The following KCNQ2 variants were observed in gnomAD, a reference collection of about 807,000 sequenced individuals.
The protein encoded by KCNQ2 is potassium voltage-gated channel subfamily KQT member 2.
A neutral mutation model predicts 84.8 loss-of-function variants in KCNQ2; 14 were observed. The ratio of observed to expected loss-of-function variants is 0.17; its 90% CI spans 0.11 to 0.26. The LOEUF (loss-of-function observed/expected upper bound fraction) is 0.26, where lower values mean the gene tolerates loss of function less well. Among genes scored for constraint, KCNQ2 ranks in the 10% least tolerant of loss-of-function variants. The pLI, the probability that KCNQ2 is intolerant of heterozygous loss-of-function variation, is 1.00. For missense variants in KCNQ2, 788 were observed against 1,254.0 expected (o/e 0.63, Z 5.61); for synonymous variants, 599 against 554.1 (o/e 1.08, Z -1.14).
chr20:63,458,829 T>C (rs558475432), intron 1 of KCNQ2, among the ~76,000 whole-genome samples: 16 of 152,338 alleles, frequency 1.1e-4, no homozygotes, highest in African/African-American at 3.8e-4. Flanking sequence ...CAGGCGTCAC[T>C]GCACCACCTT....
At chr20:63,421,413 G>A (rs3787127) in intron 11 of KCNQ2, among the ~76,000 whole-genome samples, 82,369 of 152,032 alleles carry the variant, frequency 0.54, 22,350 homozygotes, top group East Asian at 0.62. Context: ...GGCGCTGCAG[G>A]CACAGCCCCC....
At chr20:63,432,277 T>TC (rs548726008) in intron 8 of KCNQ2, among the ~76,000 whole-genome samples, 1 of 70,298 alleles carries the variant, frequency 1.4e-5, no homozygotes, top group Admixed American at 1.5e-4. Flanking sequence ...CTCTGGGAAG[T>TC]CCCCACCCTC....
Position 63,438,767 on chromosome 20 carries a change from C to T in KCNQ2, c.928-47G>A. 6.4e-7 allele frequency: 1 copy of T among 1,552,026 alleles called. No individual in the cohort carries two copies. Among genetic ancestry groups the T allele is most frequent in the Non-Finnish European group, 8.9e-7 (1 of 1,129,104 alleles). On this transcript the variant is annotated intron_variant, in intron 6 of 16. Coordinates refer to ENST00000359125, the MANE Select transcript of KCNQ2 (RefSeq NM_172107.4). The surrounding 1 kb of genome is among the most constrained non-coding windows in gnomAD (Gnocchi z 5.1). Reference sequence around the variant, plus strand: ...TCACACCCCAGGGACCCCCCACACCCCAATTCATCAGGGTCAGACCATGCT... The same window carrying T: ...TCACACCCCAGGGACCCCCCACACCTCAATTCATCAGGGTCAGACCATGCT...
chr20:63,445,504 C>CCCCAAAGGG (rs1901461857), intron 2 of KCNQ2, 140 bp from the exon 3 acceptor site: 1 of 704,480 alleles, frequency 1.4e-6, no homozygotes, highest in Non-Finnish European at 2.1e-6. Context: ...CAAGCTGACC[C>CCCCAAAGGG]CCCCACCCCT....
Position 63,439,634 on chromosome 20 carries a change from G to A in KCNQ2, c.891C>T (p.Phe297=), listed in dbSNP as rs1393443124. The A allele has an allele frequency of 1.2e-6, 2 of 1,613,582 alleles. No homozygotes were observed. The highest frequency in any genetic ancestry group is 1.7e-6 in the Non-Finnish European group (2 of 1,180,006). ...TWNGRLLAAT[F]TLIGVSFFAL... ...CGAAGAAGGAGACACCGATGAGGGT[G>A]AAGGTTGCCGCAAGGAGCCTGCCGT... Residue 297 remains phenylalanine, a synonymous_variant, in exon 6 of 17, where the codon TTC becomes TTT. Coordinates refer to ENST00000359125, the MANE Select transcript of KCNQ2 (RefSeq NM_172107.4).
At chr20:63,411,086 C>T in intron 15 of KCNQ2, 1 of 439,394 alleles carries the variant, frequency 2.3e-6, no homozygotes, top group Non-Finnish European at 4.5e-6. Context: ...CTCTCGCCAG[C>T]TCCCTTATCA....
In KCNQ2 at chr20:63,408,501, G is replaced by A. The variant is rs1203090297; in HGVS notation, c.1799C>T (p.Thr600Met). Residue 600 changes from threonine (T) to methionine (M), a missense_variant, in exon 16 of 17, where the codon ACG becomes ATG. Thr to Met is a moderately conservative substitution (Grantham distance 81, BLOSUM62 -1). Coordinates refer to ENST00000359125, the MANE Select transcript of KCNQ2 (RefSeq NM_172107.4). The surrounding 1 kb of genome is among the most constrained non-coding windows in gnomAD (Gnocchi z 5.0). ...CGGGCCCTTGGTGCGGTCCTTGTCC[G>A]TGATCGCTGGGCCCCGCCCCACGAT... ...DQIVGRGPAI[T>M]DKDRTKGPAE... 7.5e-6 allele frequency: 12 copies of A among 1,609,318 alleles called. No individual in the cohort carries two copies. Among genetic ancestry groups the A allele is most frequent in the Admixed American group, 1.7e-5 (1 of 59,628 alleles).
Position 63,414,932 on chromosome 20 carries a change from T to C in KCNQ2, c.1496A>G (p.Lys499Arg), listed in dbSNP as rs573411809. Residue 499 changes from lysine (K) to arginine (R), a missense_variant, in exon 13 of 17, where the codon AAG becomes AGG. Physicochemically the swap from Lys to Arg is conservative, Grantham distance 26. This residue lies in a region of KCNQ2 where 202 missense variants were observed against 239.4 expected (regional missense o/e 0.84). Transcript: ENST00000359125. This position sits in a 1 kb window ranked among gnomAD's most constrained non-coding sequence, Gnocchi z 6.6. ...RSRARQAFRI[K>R]GAASRQNSEE... ...TGAGTTCTGCCGTGACGCGGCACCC[T>C]TGATGCGGAAAGCCTGGCGTGCCCG... 6.2e-7 allele frequency: 1 copy of C among 1,612,718 alleles called. No homozygotes were observed. The highest frequency in any genetic ancestry group is 2.2e-5 in the East Asian group (1 of 44,806).
Position 63,442,550 on chromosome 20 carries a change from C to G in KCNQ2, c.691-19G>C, listed in dbSNP as rs1287117009. 6.2e-7 allele frequency: 1 copy of G among 1,612,494 alleles called. No homozygotes were observed. The highest frequency in any genetic ancestry group is 1.1e-5 in the South Asian group (1 of 91,034). On this transcript the variant is annotated intron_variant, in intron 4 of 16. Transcript: ENST00000359125. Reference sequence around the variant, plus strand: ...CCAGCTCCTGAGAGGCAGACGGCACCACCATCATGACCACCATCACCAGAA... The same window carrying G: ...CCAGCTCCTGAGAGGCAGACGGCACGACCATCATGACCACCATCACCAGAA...
intron 4 of KCNQ2, among the ~76,000 whole-genome samples, chr20:63,443,405 A>C: frequency 1.5e-5 from 1 of 65,852 alleles, no homozygotes; most frequent in Admixed American, 1.5e-4. Flanking sequence ...CACCATCACC[A>C]CCATCACCAT....
At chr20:63,471,785 C>A (rs1371836647) in intron 1 of KCNQ2, 1 of 193,500 alleles carries the variant, frequency 5.2e-6, no homozygotes, top group Non-Finnish European at 1.0e-5. Context: ...GCCCCAGCCC[C>A]GCGGGTCCCC....
At chr20:63,440,821 G>A (rs947842598) in intron 5 of KCNQ2, among the ~76,000 whole-genome samples, 2 of 152,084 alleles carry the variant, frequency 1.3e-5, no homozygotes, top group Admixed American at 6.5e-5. Flanking sequence ...CACGCGGAGC[G>A]CACAGGAGAC....
At chr20:63,434,858 T>A (rs1208587883) in intron 7 of KCNQ2, 1 of 152,250 alleles carries the variant, frequency 6.6e-6, no homozygotes, top group African/African-American at 2.4e-5. Context: ...TGTTTCCACT[T>A]TTTGGTTCCT....
At chr20:63,418,154 G>A (rs1311417802) in intron 12 of KCNQ2, among the ~76,000 whole-genome samples, 2 of 152,188 alleles carry the variant, frequency 1.3e-5, no homozygotes, top group Admixed American at 6.5e-5. Flanking sequence ...CCAGGAGCAC[G>A]CGTGGTCTCG....
intron 11 of KCNQ2, among the ~76,000 whole-genome samples, chr20:63,422,008 C>A (rs1012491284): frequency 1.3e-5 from 2 of 152,220 alleles, no homozygotes; most frequent in Non-Finnish European, 2.9e-5. Context: ...GGGTGGGGGT[C>A]TCAGCAGTGA....
chr20:63,447,434 G>T (rs2081463724), intron 1 of KCNQ2: 1 of 154,082 alleles, frequency 6.5e-6, no homozygotes, highest in African/African-American at 2.4e-5. Flanking sequence ...CTCCCGGGTT[G>T]CAGGCACCTC....
intron 1 of KCNQ2, among the ~76,000 whole-genome samples, chr20:63,456,536 A>G (rs943263133): frequency 6.6e-6 from 1 of 151,962 alleles, no homozygotes; most frequent in Non-Finnish European, 1.5e-5. Context: ...CCTCACCGCC[A>G]CCCTCAGCCC....
chr20:63,465,996 A>G (rs1171698685), intron 1 of KCNQ2, among the ~76,000 whole-genome samples: 2 of 152,146 alleles, frequency 1.3e-5, no homozygotes, highest in Non-Finnish European at 2.9e-5. Context: ...GGAAACTAGA[A>G]GCTTGCACTG....
rs1568934074 is a variant in KCNQ2 at position 63,442,728 on chromosome 20, T to TCACCATCAC, written c.691-198_691-197insGTGATGGTG. Among the ~76,000 whole-genome samples the TCACCATCAC allele has an allele frequency of 1.8e-3, 63 of 34,650 alleles. 6 individuals carry two copies. Among genetic ancestry groups the TCACCATCAC allele is most frequent in the Non-Finnish European group, 2.9e-3 (51 of 17,816 alleles). The allele number at this position is 34,650 out of a possible 152,430, so 22.7% of individuals were successfully genotyped here. A position where few individuals can be genotyped will look rare whatever the true frequency, so the allele number is the denominator to read the frequency against. On this transcript the variant is annotated intron_variant, in intron 4 of 16. Transcript: ENST00000359125. The stretch of plus-strand genomic sequence containing the variant: ...ACCATCACCACCACCACCACCATCA[T>TCACCATCAC]CACCACCTCCACCATCACCACCATC...
Sources: allele counts gnomAD v4.1 joint callset (sites outside exome capture counted in the v4.1 genomes callset), GRCh38; gene constraint gnomAD v4.1.1; regional missense constraint gnomAD v4.1.1; non-coding constraint Gnocchi (gnomAD v3.1); transcripts MANE v1.5; gene names NCBI Gene and HGNC (gene_info 2026-07-23, HGNC 2026-07-21).